Variants in C12orf56 observed in about 807,000 individuals in gnomAD.
The protein encoded by C12orf56 is chromosome 12 open reading frame 56, also known as uncharacterized protein C12orf56.
In C12orf56, 71 loss-of-function variants were observed where a neutral mutation model predicts 69.9. The ratio of observed to expected loss-of-function variants is 1.02; its 90% CI spans 0.84 to 1.24. The LOEUF (loss-of-function observed/expected upper bound fraction) is 1.24. C12orf56 is among the 50% of genes most tolerant of loss of function. C12orf56 has a pLI of 0.00. For synonymous variants in C12orf56, 276 were observed against 274.1 expected (o/e 1.01, Z -0.07); for missense variants, 732 against 738.5 (o/e 0.99, Z 0.10).
intron 3 of C12orf56, among the ~76,000 whole-genome samples, chr12:64,321,184 T>C (rs1003513152): frequency 1.3e-5 from 2 of 152,364 alleles, no homozygotes; most frequent in South Asian, 4.1e-4. Flanking sequence ...TTTGCAAAAC[T>C]GGAAACAATA....
chr12:64,362,320 C>G (rs1215101460), intron 1 of C12orf56, among the ~76,000 whole-genome samples: 1 of 152,028 alleles, frequency 6.6e-6, no homozygotes, highest in Non-Finnish European at 1.5e-5. Context: ...ATACAGAACC[C>G]AAGAGAGGGT....
At chr12:64,276,956 T>G (rs2038058171) in intron 9 of C12orf56, among the ~76,000 whole-genome samples, 1 of 127,000 alleles carries the variant, frequency 7.9e-6, no homozygotes, top group Admixed American at 1.0e-4. Flanking sequence ...ATTGTGCCAC[T>G]GCACTCCAGC....
At chr12:64,336,981 G>A (rs1438878717) in intron 2 of C12orf56, among the ~76,000 whole-genome samples, 4 of 152,126 alleles carry the variant, frequency 2.6e-5, no homozygotes, top group African/African-American at 7.2e-5. Flanking sequence ...AGGAAACTGA[G>A]ACTCATAAAG....
At chr12:64,314,331 G>A (rs1433784936) in intron 4 of C12orf56, among the ~76,000 whole-genome samples, 2 of 151,988 alleles carry the variant, frequency 1.3e-5, no homozygotes, top group Non-Finnish European at 1.5e-5. Context: ...GGCCTCAAGC[G>A]ATCCTCCCCT....
At chr12:64,349,085 C>T (rs1354582159) in intron 2 of C12orf56, among the ~76,000 whole-genome samples, 3 of 152,138 alleles carry the variant, frequency 2.0e-5, no homozygotes, top group African/African-American at 7.2e-5. Context: ...CTCTGCCTCC[C>T]AGGTTCAAAT....
intron 2 of C12orf56, among the ~76,000 whole-genome samples, chr12:64,342,569 T>G (rs1436805585): frequency 6.6e-6 from 1 of 152,194 alleles, no homozygotes; most frequent in African/African-American, 2.4e-5. Context: ...AACTTACTTA[T>G]GCCTTCAGGA....
At chr12:64,315,306 GT>G (rs56808442) in intron 4 of C12orf56, among the ~76,000 whole-genome samples, 38,079 of 138,718 alleles carry the variant, frequency 0.27, 5,367 homozygotes, top group East Asian at 0.49. Flanking sequence ...ATTGTTCTAC[GT>G]TTTTTTTTTT....
Position 64,358,467 on chromosome 12 carries a change from A to C in C12orf56, c.253-5411T>G, listed in dbSNP as rs945684191. On this transcript the variant is annotated intron_variant, in intron 1 of 12. Coordinates refer to ENST00000543942, the MANE Select transcript of C12orf56 (RefSeq NM_001170633.2). ...AGTAAGACTCCATCTCAAAAGTAATAATAATAATAATAATAATCATCATCA... is the reference window on the plus strand; with the variant it reads ...AGTAAGACTCCATCTCAAAAGTAATCATAATAATAATAATAATCATCATCA... Among the ~76,000 whole-genome samples the C allele has an allele frequency of 1.2e-4, 4 of 33,142 alleles. No homozygotes were observed. In the Admixed American group the frequency reaches 2.0e-3, roughly 17 times the overall value. The allele number at this position is 33,142 out of a possible 152,430, so 21.7% of individuals were successfully genotyped here.
intron 1 of C12orf56, among the ~76,000 whole-genome samples, chr12:64,360,806 G>A (rs1262970584): frequency 6.6e-6 from 1 of 152,130 alleles, no homozygotes; most frequent in Admixed American, 6.5e-5. Context: ...AATTTTAAAA[G>A]TCCAAATCAG....
chr12:64,316,575 G>A (rs1208194510), intron 4 of C12orf56, among the ~76,000 whole-genome samples: 1 of 151,954 alleles, frequency 6.6e-6, no homozygotes, highest in Non-Finnish European at 1.5e-5. Context: ...TTCAATGATA[G>A]TGTCTACCAA....
rs1555190211 is a variant in C12orf56 at position 64,328,732 on chromosome 12, T to TATATATAG, written c.488+2227_488+2228insCTATATAT. On this transcript the variant is annotated intron_variant, in intron 3 of 12. Transcript: ENST00000543942. Reference sequence around the variant, plus strand: ...ATATATATATATATATATATATATATATATAGTATCACACTTTAACTTATG... The same window carrying TATATATAG: ...ATATATATATATATATATATATATATATATATAGATATAGTATCACACTTTAACTTATG... Among the ~76,000 whole-genome samples, 583 of 106,814 alleles carry TATATATAG rather than the reference T, an allele frequency of 5.5e-3. 8 individuals are homozygous for TATATATAG. The highest frequency in any genetic ancestry group is 7.6e-3 in the Non-Finnish European group (393 of 51,790). 70.1% of individuals were successfully genotyped at this position (106,814 alleles called of 152,430 possible).
intron 6 of C12orf56, among the ~76,000 whole-genome samples, chr12:64,297,573 C>T (rs1461344943): frequency 6.6e-6 from 1 of 152,106 alleles, no homozygotes; most frequent in African/African-American, 2.4e-5. Context: ...GTGATGTTCC[C>T]CTCCCTGTGT....
At chr12:64,285,866 C>A in intron 7 of C12orf56, 88 bp downstream of exon 7, 1 of 640,842 alleles carries the variant, frequency 1.6e-6, no homozygotes, top group Non-Finnish European at 2.5e-6. Flanking sequence ...AATCATTAAC[C>A]CAGCATATAT....
At chr12:64,363,668 AT>A (rs1363640184) in intron 1 of C12orf56, among the ~76,000 whole-genome samples, 1 of 152,140 alleles carries the variant, frequency 6.6e-6, no homozygotes, top group Non-Finnish European at 1.5e-5. Context: ...TCACGTACAA[AT>A]CTTTTTGCGG....
At chr12:64,340,142 G>A (rs553719816) in intron 2 of C12orf56, among the ~76,000 whole-genome samples, 8 of 152,230 alleles carry the variant, frequency 5.3e-5, no homozygotes, top group Non-Finnish European at 1.2e-4. Flanking sequence ...GGAGTCTAAT[G>A]TTTGAGGGAA....
At chr12:64,328,732 T>TAG (rs1555190213) in intron 3 of C12orf56, among the ~76,000 whole-genome samples, 9,012 of 105,590 alleles carry the variant, frequency 0.085, 664 homozygotes, top group Middle Eastern at 0.19. Flanking sequence ...TATATATATA[T>TAG]ATATAGTATC....
chr12:64,365,248 T>A (rs2039449697), intron 1 of C12orf56, among the ~76,000 whole-genome samples: 1 of 141,658 alleles, frequency 7.1e-6, no homozygotes. Context: ...CACTGCAACC[T>A]CCGCCTTCCG....
chr12:64,377,138 T>C (rs1405380776), intron 1 of C12orf56, among the ~76,000 whole-genome samples: 1 of 152,158 alleles, frequency 6.6e-6, no homozygotes, highest in Non-Finnish European at 1.5e-5. Flanking sequence ...TTCACATATT[T>C]GTTGGCCACA....
chr12:64,337,746 G>A (rs1187274736), intron 2 of C12orf56, among the ~76,000 whole-genome samples: 4 of 151,440 alleles, frequency 2.6e-5, no homozygotes, highest in African/African-American at 9.7e-5. Context: ...AATCCCAGCT[G>A]CTCAGGAGGC....
Sources: allele counts gnomAD v4.1 joint callset (sites outside exome capture counted in the v4.1 genomes callset), GRCh38; gene constraint gnomAD v4.1.1; transcripts MANE v1.5; gene names NCBI Gene and HGNC (gene_info 2026-07-23, HGNC 2026-07-21).